The following DMD variants were observed in gnomAD, a reference collection of about 807,000 sequenced individuals.
DMD encodes the protein mutant dystrophin.
DMD carries 63 observed loss-of-function variants against 330.1 expected under a neutral mutation model. That is an observed-to-expected ratio of 0.19 (90% CI 0.16 to 0.24). The LOEUF is 0.24. Ranked by LOEUF, DMD falls within the 10% of genes least tolerant of loss-of-function variation. DMD has a pLI of 1.00. For missense variants in DMD, 3,344 were observed against 2,684.1 expected (o/e 1.25, Z -5.43); for synonymous variants, 1,223 against 959.8 (o/e 1.27, Z -5.07).
chrX:33,138,266 T>A (rs749220156), intron 1 of DMD, among the ~76,000 whole-genome samples: 26 of 112,097 alleles, frequency 2.3e-4, no homozygotes, highest in African/African-American at 8.1e-4. Context: ...AATATTTTTT[T>A]AATGTCCCTT....
At chrX:32,464,468 TA>T (rs1157057369) in intron 24 of DMD, 117 bp downstream of exon 24, 18 of 550,767 alleles carry the variant, frequency 3.3e-5, no homozygotes, top group Non-Finnish European at 3.1e-5. Context: ...CTAGAAACAT[TA>T]AAAAAAATCC....
intron 44 of DMD, among the ~76,000 whole-genome samples, chrX:32,196,944 C>T (rs1400073991): frequency 1.1e-5 from 1 of 87,683 alleles, no homozygotes; most frequent in African/African-American, 4.6e-5. Flanking sequence ...CAAGATCGCG[C>T]CACTGTACTC....
At chrX:32,808,807 T>C (rs1297448573) in intron 7 of DMD, among the ~76,000 whole-genome samples, 1 of 111,985 alleles carries the variant, frequency 8.9e-6, no homozygotes, top group Admixed American at 9.5e-5. Flanking sequence ...CATTTCAAAA[T>C]TGGCATGGCA....
At chrX:32,272,122 C>T (rs184905975) in intron 43 of DMD, among the ~76,000 whole-genome samples, 1 of 112,088 alleles carries the variant, frequency 8.9e-6, no homozygotes, top group Non-Finnish European at 1.9e-5. Context: ...TGAATGGTAA[C>T]ATGTTGCAAA....
intron 7 of DMD, among the ~76,000 whole-genome samples, chrX:32,784,568 C>A (rs775780214): frequency 8.9e-6 from 1 of 111,815 alleles, no homozygotes; most frequent in Non-Finnish European, 1.9e-5. Context: ...GACTTTATCA[C>A]TTAAGAAATC....
At chrX:32,878,537 T>G (rs1176372878) in intron 2 of DMD, among the ~76,000 whole-genome samples, 2 of 111,910 alleles carry the variant, frequency 1.8e-5, no homozygotes, top group Non-Finnish European at 3.8e-5. Flanking sequence ...TATGATTTTC[T>G]TGTAGCTATA....
rs771740470 is a variant in DMD, at chrX:32,454,244, T to C, written c.3603+418A>G. Among the ~76,000 whole-genome samples, 45 of 111,466 alleles carry C rather than the reference T, an allele frequency of 4.0e-4. No individual in the cohort carries two copies. In the East Asian group the frequency reaches 0.01, roughly 25 times the overall value. ...GCTACGGGTTCAAATATTTAGTGTT[T>C]CCAAATTCTCAGAAATGCCTTCAAA... On this transcript the variant is annotated intron_variant, in intron 26 of 78. Transcript: ENST00000357033.
chrX:31,734,474 G>A lies in DMD; in HGVS notation c.7543-4726C>T, dbSNP rs773791409. ...ATTTCCTGGTCTGGTCCAGACTCACGCATTGCTTTTAGTTGTCGTATCTCC... is the reference window on the plus strand; with the variant it reads ...ATTTCCTGGTCTGGTCCAGACTCACACATTGCTTTTAGTTGTCGTATCTCC... On this transcript the variant is annotated intron_variant, in intron 51 of 78. Transcript: ENST00000357033. Among the ~76,000 whole-genome samples the A allele has an allele frequency of 5.4e-5, 6 of 111,193 alleles. No individual in the cohort carries two copies. The East Asian group carries it at 1.4e-3, about 26-fold the overall frequency.
At chrX:32,461,837 T>A (rs2098384521) in intron 25 of DMD, among the ~76,000 whole-genome samples, 1 of 110,417 alleles carries the variant, frequency 9.1e-6, no homozygotes, top group South Asian at 3.8e-4. Flanking sequence ...ACAACTCTTC[T>A]AGCACTGACT....
chrX:32,238,935 C>T (rs976115572), intron 43 of DMD, among the ~76,000 whole-genome samples: 8 of 111,853 alleles, frequency 7.2e-5, no homozygotes, highest in African/African-American at 2.6e-4. Context: ...GATGTTGTCA[C>T]TTCTTTGATA....
chrX:32,207,472 A>G (rs1440295857), intron 44 of DMD, among the ~76,000 whole-genome samples: 1 of 111,984 alleles, frequency 8.9e-6, no homozygotes, highest in Non-Finnish European at 1.9e-5. Flanking sequence ...GTACTTTGTT[A>G]CAGCAGCACA....
At chrX:32,810,537 A>G (rs1183036345) in intron 6 of DMD, among the ~76,000 whole-genome samples, 2 of 111,991 alleles carry the variant, frequency 1.8e-5, no homozygotes, top group African/African-American at 6.5e-5. Context: ...CTCAGATAAA[A>G]ACCCTTGGAG....
Position 31,310,176 on chromosome X carries a change from C to CCT in DMD, c.9224+13420_9224+13421dup, listed in dbSNP as rs3032536. On this transcript the variant is annotated intron_variant, in intron 62 of 78. Coordinates refer to ENST00000357033, the MANE Select transcript of DMD (RefSeq NM_004006.3). ...TTCTCTTTAGTTTCCTCTTCGTTGTCCTCTCTCTCTCTCTCTCTCTCTCTC... is the reference window on the plus strand; with the variant it reads ...TTCTCTTTAGTTTCCTCTTCGTTGTCCTCTCTCTCTCTCTCTCTCTCTCTCTC... 3.8e-3 allele frequency among the ~76,000 whole-genome samples: 345 copies of CCT among 91,522 alleles called. 3 individuals carry two copies. The highest frequency in any genetic ancestry group is 0.023 in the South Asian group (41 of 1,752). The allele number at this position is 91,522 out of a possible 115,157, so 79.5% of individuals were successfully genotyped here. A position where few individuals can be genotyped will look rare whatever the true frequency, so the allele number is the denominator to read the frequency against.
At chrX:31,214,139 A>C (rs1234279103) in intron 64 of DMD, among the ~76,000 whole-genome samples, 1 of 112,383 alleles carries the variant, frequency 8.9e-6, no homozygotes, top group Non-Finnish European at 1.9e-5. Context: ...CCAACCAAAA[A>C]GCTGAAGCAA....
chrX:32,302,583 A>G (rs929331181), intron 42 of DMD, among the ~76,000 whole-genome samples: 4 of 111,462 alleles, frequency 3.6e-5, no homozygotes, highest in African/African-American at 1.3e-4. Context: ...TGTGGTTAAC[A>G]TTTTATTTAC....
chrX:33,020,604 G>A (rs751006998), intron 1 of DMD, among the ~76,000 whole-genome samples: 1 of 111,632 alleles, frequency 9.0e-6, no homozygotes, highest in African/African-American at 3.2e-5. Context: ...AATCCAGGAG[G>A]TGGAGGTTGC....
chrX:32,432,246 C>A (rs2098241414), intron 29 of DMD, among the ~76,000 whole-genome samples: 1 of 111,563 alleles, frequency 9.0e-6, no homozygotes, highest in South Asian at 3.7e-4. Context: ...TATGTGGAAT[C>A]TGTGTTTAGC....
rs557985302 is a variant in DMD at position 31,279,784 on chromosome X, T to G, written c.9225-18768A>C. Reference sequence around the variant, plus strand: ...TCCACCCATCAAATAGTGAGCTAAGTAAATGGCTGGCCATTGTGTTATAGA... The same window carrying G: ...TCCACCCATCAAATAGTGAGCTAAGGAAATGGCTGGCCATTGTGTTATAGA... On this transcript the variant is annotated intron_variant, in intron 62 of 78. Coordinates refer to ENST00000357033, the MANE Select transcript of DMD (RefSeq NM_004006.3). 2.7e-5 allele frequency among the ~76,000 whole-genome samples: 3 copies of G among 112,781 alleles called. No individual in the cohort carries two copies. The Middle Eastern group carries it at 0.014, about 515-fold the overall frequency.
At chrX:32,958,032 T>A (rs1300707106) in intron 2 of DMD, among the ~76,000 whole-genome samples, 1 of 112,074 alleles carries the variant, frequency 8.9e-6, no homozygotes, top group African/African-American at 3.2e-5. Flanking sequence ...AGAACTGTTA[T>A]TTTGGAACCA....
Sources: gnomAD v4.1 joint callset for allele counts (sites outside exome capture counted in the v4.1 genomes callset) on GRCh38, gnomAD v4.1.1 for gene constraint, MANE v1.5 for transcripts, NCBI Gene and HGNC (gene_info 2026-07-23, HGNC 2026-07-21) for gene names.